The following SPIDR variants were observed in gnomAD, a reference collection of about 807,000 sequenced individuals.
The protein encoded by SPIDR is DNA repair-scaffolding protein.
In SPIDR, 93 loss-of-function variants were observed where a neutral mutation model predicts 104.6. That is an observed-to-expected ratio of 0.89 (90% CI 0.75 to 1.06). The LOEUF (loss-of-function observed/expected upper bound fraction) is 1.06, where lower values mean the gene tolerates loss of function less well. Among genes scored for constraint, SPIDR ranks in the 50% least tolerant of loss-of-function variants. The pLI, the probability that SPIDR is intolerant of heterozygous loss-of-function variation, is 0.00. For missense variants in SPIDR, 1,154 were observed against 1,111.2 expected (o/e 1.04, Z -0.55); for synonymous variants, 431 against 416.9 (o/e 1.03, Z -0.41).
chr8:47,456,857 T>C (rs998487020), intron 8 of SPIDR, among the ~76,000 whole-genome samples: 3 of 152,200 alleles, frequency 2.0e-5, no homozygotes, highest in Admixed American at 2.0e-4. Context: ...ATACGATGTT[T>C]GTTTTTCCAT....
chr8:47,452,942 T>G (rs1444745178), intron 8 of SPIDR, among the ~76,000 whole-genome samples: 1 of 152,116 alleles, frequency 6.6e-6, no homozygotes, highest in African/African-American at 2.4e-5. Flanking sequence ...GTAGATGACA[T>G]GAATATATAG....
chr8:47,464,642 C>A (rs1246767894), intron 8 of SPIDR, among the ~76,000 whole-genome samples: 1 of 151,994 alleles, frequency 6.6e-6, no homozygotes, highest in Non-Finnish European at 1.5e-5. Context: ...GGCAAAGAAC[C>A]CTTTTGTCTT....
chr8:47,623,577 G>A (rs2065491186), intron 10 of SPIDR, among the ~76,000 whole-genome samples: 1 of 152,088 alleles, frequency 6.6e-6, no homozygotes, highest in East Asian at 1.9e-4. Context: ...AAAAAGGCAG[G>A]GGTTGCAATC....
At chr8:47,289,630 G>A (rs913275614) in intron 3 of SPIDR, among the ~76,000 whole-genome samples, 2 of 152,126 alleles carry the variant, frequency 1.3e-5, no homozygotes, top group Non-Finnish European at 2.9e-5. Context: ...GTGAGGTTGT[G>A]GAGAGACTGG....
At chr8:47,409,336 T>G (rs1020087486) in intron 7 of SPIDR, among the ~76,000 whole-genome samples, 18 of 152,148 alleles carry the variant, frequency 1.2e-4, no homozygotes, top group African/African-American at 4.3e-4. Context: ...CAAGGTCTAA[T>G]GACTGAAAAC....
intron 10 of SPIDR, among the ~76,000 whole-genome samples, chr8:47,673,082 C>T (rs547659605): frequency 2.0e-5 from 3 of 152,222 alleles, no homozygotes; most frequent in Non-Finnish European, 2.9e-5. Context: ...CTTCAGGCTC[C>T]GTGAAATGTT....
At chr8:47,408,834 G>A (rs574362403) in intron 7 of SPIDR, among the ~76,000 whole-genome samples, 2 of 152,230 alleles carry the variant, frequency 1.3e-5, no homozygotes, top group South Asian at 2.1e-4. Flanking sequence ...TTAACAACGA[G>A]ATATTTTCTT....
intron 16 of SPIDR, among the ~76,000 whole-genome samples, chr8:47,715,969 T>TC (rs1434559384): frequency 1.3e-5 from 2 of 148,848 alleles, no homozygotes; most frequent in Non-Finnish European, 1.5e-5. Flanking sequence ...TTTTTCTTTT[T>TC]TTTTTTTTTT....
chr8:47,625,866 T>G (rs1383978096), intron 10 of SPIDR, among the ~76,000 whole-genome samples: 2 of 152,178 alleles, frequency 1.3e-5, no homozygotes, highest in African/African-American at 4.8e-5. Context: ...GTGACTTTCT[T>G]CACAGAATTG....
intron 8 of SPIDR, among the ~76,000 whole-genome samples, chr8:47,476,239 AG>A (rs1167251634): frequency 2.0e-5 from 3 of 152,132 alleles, no homozygotes; most frequent in African/African-American, 7.2e-5. Context: ...ATGAAATAAC[AG>A]GGTTCAGCTA....
At chr8:47,403,229 C>T (rs1044344216) in intron 6 of SPIDR, among the ~76,000 whole-genome samples, 14 of 152,160 alleles carry the variant, frequency 9.2e-5, no homozygotes, top group Admixed American at 7.2e-4. Context: ...GTATTTATGA[C>T]AAACCCACAG....
At chr8:47,450,811 A>G (rs1404910047) in intron 8 of SPIDR, among the ~76,000 whole-genome samples, 1 of 152,234 alleles carries the variant, frequency 6.6e-6, no homozygotes, top group Non-Finnish European at 1.5e-5. Context: ...GGAAGGAACC[A>G]CATGAAGTGC....
intron 8 of SPIDR, among the ~76,000 whole-genome samples, chr8:47,488,001 AG>A (rs2077989902): frequency 6.6e-6 from 1 of 152,218 alleles, no homozygotes; most frequent in South Asian, 2.1e-4. Flanking sequence ...GAAATAACTA[AG>A]ATCAGAGCAG....
At chr8:47,460,357 C>A (rs576481406) in intron 8 of SPIDR, among the ~76,000 whole-genome samples, 1 of 152,234 alleles carries the variant, frequency 6.6e-6, no homozygotes, top group South Asian at 2.1e-4. Flanking sequence ...GTGATATTTT[C>A]GTTTTGGACA....
intron 6 of SPIDR, among the ~76,000 whole-genome samples, chr8:47,401,131 G>GA (rs1563856244): frequency 6.6e-6 from 1 of 152,156 alleles, no homozygotes; most frequent in Non-Finnish European, 1.5e-5. Flanking sequence ...GACTAACAGA[G>GA]AATCTCTCGG....
intron 16 of SPIDR, 40 bp from the exon 17 acceptor site, chr8:47,727,160 G>C (rs1461195850): frequency 6.3e-7 from 1 of 1,582,632 alleles, no homozygotes; most frequent in South Asian, 1.1e-5. Flanking sequence ...AGAGAGGGCA[G>C]AGCCGCCTCT....
At chr8:47,346,439 G>A (rs542955202) in intron 5 of SPIDR, among the ~76,000 whole-genome samples, 1 of 152,184 alleles carries the variant, frequency 6.6e-6, no homozygotes, top group South Asian at 2.1e-4. Flanking sequence ...TTTTTTTGAT[G>A]TGTCTCTGCC....
chr8:47,360,244 CAAAAAAAAAAAA>C (rs1186187617), intron 5 of SPIDR, among the ~76,000 whole-genome samples: 6 of 38,964 alleles, frequency 1.5e-4, no homozygotes, highest in South Asian at 2.0e-3. Context: ...GACTCCATCT[CAAAAAAAAAAAA>C]AAAAAAAAAA....
chr8:47,682,909 T>C (rs528502354), intron 11 of SPIDR, among the ~76,000 whole-genome samples: 10 of 152,252 alleles, frequency 6.6e-5, no homozygotes, highest in Non-Finnish European at 1.3e-4. Flanking sequence ...CCTGATTTTA[T>C]ATCTACTGTA....
Sources: allele counts gnomAD v4.1 joint callset (sites outside exome capture counted in the v4.1 genomes callset), GRCh38; gene constraint gnomAD v4.1.1; transcripts MANE v1.5; gene names NCBI Gene and HGNC (gene_info 2026-07-23, HGNC 2026-07-21).